Variants in ISL2 observed in about 807,000 individuals in gnomAD.
The protein encoded by ISL2 is insulin gene enhancer protein ISL-2.
Under a neutral mutation model 34.6 loss-of-function variants are expected in ISL2, and 17 were observed. The observed-to-expected ratio is 0.49, with a 90% confidence interval of 0.34 to 0.74. The LOEUF (loss-of-function observed/expected upper bound fraction) is 0.74. ISL2 is among the 30% of genes least tolerant of loss of function. The pLI is 0.01. For synonymous variants in ISL2, 232 were observed against 225.5 expected, an observed-to-expected ratio of 1.03 and a Z score of -0.26; for missense variants, 469 against 515.2, an observed-to-expected ratio of 0.91 and a Z score of 0.87.
In ISL2 at chr15:76,341,816, C is replaced by CGT; in HGVS notation, c.1062_1063insTG (p.Ser355Ter). 2 of 1,613,352 alleles carry CGT rather than the reference C, an allele frequency of 1.2e-6. No individual in the cohort carries two copies. Among genetic ancestry groups the CGT allele is most frequent in the Non-Finnish European group, 1.7e-6 (2 of 1,179,712 alleles). On this transcript the variant is annotated frameshift_variant, in exon 6 of 6. Transcript: ENST00000290759. LOFTEE classifies it high-confidence loss of function. ...CCGGACACCCCCAACAGTATGGTGC[C>CGT]GAGTCCCGTGGAGACGTGAGGGGGA...
chr15:76,339,640 C>T, intron 3 of ISL2: 2 of 985,598 alleles, frequency 2.0e-6, no homozygotes, highest in Non-Finnish European at 2.4e-6. Flanking sequence ...GGCTGGGGAA[C>T]CTGGAGCCTT....
At chr15:76,341,497 G>C (rs1288372137) in intron 5 of ISL2, among the ~76,000 whole-genome samples, 196 bp downstream of exon 5, 1 of 152,192 alleles carries the variant, frequency 6.6e-6, no homozygotes, top group Non-Finnish European at 1.5e-5. Context: ...AGGTCTCCCT[G>C]GATTAAAGTG....
At chr15:76,340,663 A>G (rs1289532231) in intron 4 of ISL2, 104 bp downstream of exon 4, 11 of 1,082,270 alleles carry the variant, frequency 1.0e-5, no homozygotes, top group Admixed American at 2.4e-5. Context: ...TCCAGGGAGA[A>G]CTGGGCGCTC....
At position 76,341,917 on chromosome 15, in the gene ISL2, AAAG is replaced by A; in HGVS notation, c.*83_*85del. 1 of 883,116 alleles carries A rather than the reference AAAG, an allele frequency of 1.1e-6. No homozygotes were observed. The allele number at this position is 883,116 out of a possible 1,614,324, so 54.7% of individuals were successfully genotyped here. On this transcript the variant is annotated 3_prime_UTR_variant, in exon 6 of 6. Transcript: ENST00000290759. ...CCATGCTCAGGCCATTCCAGTTCCG[AAAG>A]CTCTCTCGCCTTCGTAATTATTCTA... is the stretch of plus-strand genomic sequence containing the variant.
At chr15:76,338,060 C>A in intron 2 of ISL2, 93 bp downstream of exon 2, 1 of 1,323,416 alleles carries the variant, frequency 7.6e-7, no homozygotes, top group Non-Finnish European at 9.9e-7. Flanking sequence ...CCGGCCCTGC[C>A]CAGGGAGAAG....
Position 76,341,837 on chromosome 15 carries a change from G to A in ISL2, c.*2G>A, listed in dbSNP as rs2040197000. The stretch of plus-strand genomic sequence containing the variant: ...GTGCCGAGTCCCGTGGAGACGTGAG[G>A]GGGACCCCTCCCTGCCAGCCCGCGG... On this transcript the variant is annotated 3_prime_UTR_variant, in exon 6 of 6. Transcript: ENST00000290759. 6.2e-7 allele frequency: 1 copy of A among 1,606,308 alleles called. No individual in the cohort carries two copies. The highest frequency in any genetic ancestry group is 8.5e-7 in the Non-Finnish European group (1 of 1,173,580).
intron 4 of ISL2, 96 bp from the exon 5 acceptor site, chr15:76,341,038 A>C: frequency 8.5e-7 from 1 of 1,176,574 alleles, no homozygotes; most frequent in Non-Finnish European, 1.2e-6. Flanking sequence ...AGCAATGCAG[A>C]CCCTAAATCA....
intron 3 of ISL2, chr15:76,339,212 G>A (rs2040174543): frequency 3.0e-6 from 3 of 985,388 alleles, no homozygotes; most frequent in African/African-American, 3.5e-5. Context: ...GTAGCCATAG[G>A]CCTGCAGCAC....
chr15:76,339,213 C>T (rs1210249767), intron 3 of ISL2: 19 of 985,272 alleles, frequency 1.9e-5, no homozygotes, highest in Non-Finnish European at 2.2e-5. Context: ...TAGCCATAGG[C>T]CTGCAGCACA....
rs545716006 is a variant in ISL2, at chr15:76,336,774, C to G, written c.-110C>G. ...CGTGCGGGCCGGTGCGGAATCGCTC[C>G]TTCAACTCCGCGGGGCAGTAGGAGT... On this transcript the variant is annotated 5_prime_UTR_variant, in exon 1 of 6. Transcript: ENST00000290759. 2 of 971,282 alleles carry G rather than the reference C, an allele frequency of 2.1e-6. No individual in the cohort carries two copies. The highest frequency in any genetic ancestry group is 1.3e-5 in the South Asian group (1 of 78,040). 60.2% of individuals were successfully genotyped at this position (971,282 alleles called of 1,614,324 possible).
At position 76,341,652 on chromosome 15, in the gene ISL2, C is replaced by G. The variant is rs77613271; in HGVS notation, c.964-67C>G. ...AAGGGACACTTTCCGACTCGGAGCACGCGGCCCTGGAGCACCAGCTCGCGT... is the reference window on the plus strand; with the variant it reads ...AAGGGACACTTTCCGACTCGGAGCAGGCGGCCCTGGAGCACCAGCTCGCGT... On this transcript the variant is annotated intron_variant, in intron 5 of 5. Transcript: ENST00000290759. The G allele has an allele frequency of 5.7e-3, 6,901 of 1,210,412 alleles. 300 individuals are homozygous for G. The African/African-American group carries it at 0.093, about 16-fold the overall frequency. 75.0% of individuals were successfully genotyped at this position (1,210,412 alleles called of 1,614,324 possible).
intron 3 of ISL2, 92 bp from the exon 4 acceptor site, chr15:76,340,184 G>A: frequency 6.2e-6 from 9 of 1,443,218 alleles, no homozygotes; most frequent in South Asian, 1.5e-5. Context: ...AAACGAAATC[G>A]GGCCCCGGGG....
chr15:76,339,546 GT>G (rs2040177794), intron 3 of ISL2: 1 of 985,516 alleles, frequency 1.0e-6, no homozygotes, highest in East Asian at 1.1e-4. Context: ...ATCAGTCACT[GT>G]TTCCCCGGGA....
In ISL2 at chr15:76,338,484, C is replaced by A; in HGVS notation, c.481C>A (p.Leu161Ile). The change falls in exon 3 of 6, where the codon CTT (leucine) becomes ATT (isoleucine). Residue 161 changes from leucine (L) to isoleucine (I), a missense_variant. Transcript: ENST00000290759. ...CGGCAGCCCGCGCAGCCCCGGCCCG[C>A]TTCCCGGCGCCCGCGGCCTGCATCT... ...AAGSPRSPGP[L>I]PGARGLHLPD... 7.6e-7 allele frequency: 1 copy of A among 1,323,078 alleles called. No homozygotes were observed. Among genetic ancestry groups the A allele is most frequent in the South Asian group, 2.7e-5 (1 of 37,386 alleles). The allele number at this position is 1,323,078 out of a possible 1,614,324, so 82.0% of individuals were successfully genotyped here.
At chr15:76,338,683 T>G in intron 3 of ISL2, 169 bp downstream of exon 3, 1 of 985,356 alleles carries the variant, frequency 1.0e-6, no homozygotes, top group South Asian at 4.7e-5. Context: ...CAAGGCTGTG[T>G]GTATTCTCGT....
At position 76,338,025 on chromosome 15, in the gene ISL2, G is replaced by A. The variant is rs878876196; in HGVS notation, c.248+58G>A. 9.8e-5 allele frequency: 136 copies of A among 1,394,278 alleles called. No homozygotes were observed. In the South Asian group the frequency reaches 1.8e-3, roughly 19 times the overall value. The allele number at this position is 1,394,278 out of a possible 1,614,324, so 86.4% of individuals were successfully genotyped here. On this transcript the variant is annotated intron_variant, in intron 2 of 5. Transcript: ENST00000290759. ...GCGCGCAGGGGCCGGGGCCGGGACT[G>A]GGGATGGCGGCCTGCCCGCGCGCCC...
In ISL2 at chr15:76,341,226, G is replaced by T. The variant is rs769228772; in HGVS notation, c.888G>T (p.Thr296=). The change falls in exon 5 of 6, where the codon ACG becomes ACT. Residue 296 remains threonine (T), a synonymous_variant. Coordinates refer to ENST00000290759, the MANE Select transcript of ISL2 (RefSeq NM_145805.3). ...AGGGCAGCGCAGTGGAGGTGCAGAC[G>T]TACCAGCCGCCGTGGAAGGCGCTCA... The part of the protein sequence containing the change: ...AVQGSAVEVQ[T]YQPPWKALSE... The T allele has an allele frequency of 6.2e-7, 1 of 1,611,638 alleles. No homozygotes were observed. Among genetic ancestry groups the T allele is most frequent in the Non-Finnish European group, 8.5e-7 (1 of 1,179,458 alleles).
At chr15:76,337,029 C>T (rs758634076) in intron 1 of ISL2, 88 bp downstream of exon 1, 17 of 1,155,570 alleles carry the variant, frequency 1.5e-5, no homozygotes, top group Non-Finnish European at 2.2e-5. Flanking sequence ...TTAGTGGATT[C>T]TACAAGTGGC....
rs1367256062 is a variant in ISL2 at position 76,339,558 on chromosome 15, T to G, written c.512-718T>G. 3 of 985,422 alleles carry G rather than the reference T, an allele frequency of 3.0e-6. No homozygotes were observed. The African/African-American group carries it at 5.2e-5, about 17-fold the overall frequency. The allele number at this position is 985,422 out of a possible 1,614,324, so 61.0% of individuals were successfully genotyped here. On this transcript the variant is annotated intron_variant, in intron 3 of 5. Transcript: ENST00000290759. ...GGAATCAGTCACTGTTTCCCCGGGA[T>G]GGAGAGAACCTGGGGCCAAGCGAGG... is the stretch of plus-strand genomic sequence containing the variant.
Sources: gnomAD v4.1 joint callset for allele counts (sites outside exome capture counted in the v4.1 genomes callset) on GRCh38, gnomAD v4.1.1 for gene constraint, MANE v1.5 for transcripts, NCBI Gene and HGNC (gene_info 2026-07-23, HGNC 2026-07-21) for gene names.